The following INHBA variants were observed in gnomAD, a reference collection of about 807,000 sequenced individuals.
INHBA encodes inhibin subunit beta A.
INHBA carries 1 observed loss-of-function variant against 29.0 expected under a neutral mutation model. That is an observed-to-expected ratio of 0.03 (90% confidence interval 0.01 to 0.16). The LOEUF (loss-of-function observed/expected upper bound fraction) is 0.16. INHBA is among the 10% of genes least tolerant of loss of function. INHBA has a pLI of 1.00. For missense variants in INHBA, 376 were observed against 545.4 expected, an observed-to-expected ratio of 0.69 and a Z score of 3.09; for synonymous variants, 242 against 216.8, an observed-to-expected ratio of 1.12 and a Z score of -1.02.
In INHBA at chr7:41,700,102, A is replaced by C; in HGVS notation, c.273T>G (p.His91Gln). The change falls in exon 2 of 3, where the codon CAT becomes CAG. Residue 91 changes from histidine (H) to glutamine (Q), a missense_variant. This residue lies in a region of INHBA where 253 missense variants were observed against 313.4 expected (regional missense o/e 0.81). Transcript: ENST00000242208. ...ACCCGTTCTCCCCGACTTTGCCCACATGAAGCTTTCTGATCGCGTTCAGAA... is the reference window on the plus strand; with the variant it reads ...ACCCGTTCTCCCCGACTTTGCCCACCTGAAGCTTTCTGATCGCGTTCAGAA... ...AALLNAIRKLHVGKVGENGYV... is the reference protein window; with the variant it reads ...AALLNAIRKLQVGKVGENGYV... 6.2e-7 allele frequency: 1 copy of C among 1,613,884 alleles called. No individual in the cohort carries two copies. Among genetic ancestry groups the C allele is most frequent in the Non-Finnish European group, 8.5e-7 (1 of 1,179,984 alleles).
chr7:41,693,403 G>A (rs184134386), intron 2 of INHBA, among the ~76,000 whole-genome samples: 19 of 152,320 alleles, frequency 1.2e-4, no homozygotes, highest in African/African-American at 4.1e-4. Flanking sequence ...AGATGTTTAG[G>A]TGGGGGTGCC....
At chr7:41,691,531 G>T (rs1449004750) in intron 2 of INHBA, 1 of 152,284 alleles carries the variant, frequency 6.6e-6, no homozygotes, top group South Asian at 2.1e-4. Context: ...GTTCTCTGGG[G>T]TCTAAGGCCT....
At chr7:41,697,806 T>C (rs953581608) in intron 2 of INHBA, among the ~76,000 whole-genome samples, 2 of 152,222 alleles carry the variant, frequency 1.3e-5, no homozygotes, top group Admixed American at 6.5e-5. Context: ...TTTTCTGGAC[T>C]AGCAAAATCA....
At chr7:41,699,945 A>ACC in intron 2 of INHBA, 42 bp downstream of exon 2, 1 of 87,008 alleles carries the variant, frequency 1.1e-5, no homozygotes. Flanking sequence ...TTACCCTCCC[A>ACC]CCCCCCACCC....
At chr7:41,691,660 ATTTTC>A (rs1447392013) in intron 2 of INHBA, 6 of 151,988 alleles carry the variant, frequency 3.9e-5, no homozygotes, top group African/African-American at 1.4e-4. Context: ...TAATGTTTCA[ATTTTC>A]AGATTGTTTG....
chr7:41,695,278 A>G (rs921342041), intron 2 of INHBA, among the ~76,000 whole-genome samples: 2 of 152,216 alleles, frequency 1.3e-5, no homozygotes, highest in Non-Finnish European at 2.9e-5. Context: ...AACACATTTA[A>G]ACTTACCATG....
Position 41,700,159 on chromosome 7 carries a change from G to C in INHBA, c.216C>G (p.Pro72=), listed in dbSNP as rs763814285. The C allele has an allele frequency of 6.2e-7, 1 of 1,614,022 alleles. No individual in the cohort carries two copies. Among genetic ancestry groups the C allele is most frequent in the Non-Finnish European group, 8.5e-7 (1 of 1,180,030 alleles). The part of the protein sequence containing the change: ...ILNMLHLKKR[P]DVTQPVPKAA... ...CCTTGGGTACCGGCTGGGTGACATC[G>C]GGTCTCTTCTTCAAGTGCAGCATGT... The change falls in exon 2 of 3, where the codon CCC becomes CCG. Residue 72 remains proline, a synonymous_variant. Transcript: ENST00000242208.
intron 2 of INHBA, among the ~76,000 whole-genome samples, chr7:41,695,698 G>A (rs1231700509): frequency 6.6e-6 from 1 of 152,114 alleles, no homozygotes; most frequent in Non-Finnish European, 1.5e-5. Context: ...AATATTTTGG[G>A]AGAAAGGGGT....
rs1370128923 is a variant in INHBA, at chr7:41,686,181, G to T, written c.*3469C>A. 1 of 152,066 alleles carries T rather than the reference G, an allele frequency of 6.6e-6. No homozygotes were observed. The highest frequency in any genetic ancestry group is 1.5e-5 in the Non-Finnish European group (1 of 67,970). The allele number at this position is 152,066 out of a possible 1,614,324, so 9.4% of individuals were successfully genotyped here. A position where few individuals can be genotyped will look rare whatever the true frequency, so the allele number is the denominator to read the frequency against. On this transcript the variant is annotated 3_prime_UTR_variant, in exon 3 of 3. Coordinates refer to ENST00000242208, the MANE Select transcript of INHBA (RefSeq NM_002192.4). ...AATATGAAATTGGTTGGTCTTCTGG[G>T]ATAAGAAATTCCCAACTCAGTGTGC...
chr7:41,696,447 T>A (rs928867097), intron 2 of INHBA, among the ~76,000 whole-genome samples: 3 of 152,214 alleles, frequency 2.0e-5, no homozygotes, highest in African/African-American at 7.2e-5. Flanking sequence ...GTATTACAGG[T>A]AGTCATGCTT....
rs751955747 is a variant in INHBA at position 41,690,058 on chromosome 7, A to T, written c.873T>A (p.Pro291=). 53 of 1,613,876 alleles carry T rather than the reference A, an allele frequency of 3.3e-5. 1 individual carries two copies. In the Admixed American group the frequency reaches 8.8e-4, roughly 27 times the overall value. ...ADEEKEQSHR[P]FLMLQARQSE... ...ACTGCCGGGCCTGCAGCATGAGGAAAGGTCTGTGCGACTGCTCCTTTTCCT... is the reference window on the plus strand; with the variant it reads ...ACTGCCGGGCCTGCAGCATGAGGAATGGTCTGTGCGACTGCTCCTTTTCCT... Residue 291 remains proline, a synonymous_variant, in exon 3 of 3, where the codon CCT becomes CCA. Coordinates refer to ENST00000242208, the MANE Select transcript of INHBA (RefSeq NM_002192.4).
In INHBA at chr7:41,699,984, A is replaced by G; in HGVS notation, c.388+3T>C. ...CCCACCCCCTGCCAATGCCAGCACC[A>G]ACCTGACTCGGCAAACGTGATGATC... On this transcript the variant is annotated splice_donor_region_variant and intron_variant, in intron 2 of 2. Coordinates refer to ENST00000242208, the MANE Select transcript of INHBA (RefSeq NM_002192.4). 9.2e-7 allele frequency: 1 copy of G among 1,089,458 alleles called. No homozygotes were observed. Among genetic ancestry groups the G allele is most frequent in the Non-Finnish European group, 1.2e-6 (1 of 829,222 alleles). The allele number at this position is 1,089,458 out of a possible 1,614,324, so 67.5% of individuals were successfully genotyped here. A position where few individuals can be genotyped will look rare whatever the true frequency, so the allele number is the denominator to read the frequency against.
Position 41,700,414 on chromosome 7 carries a change from C to CAAT in INHBA, c.-41_-40insATT. 7.2e-7 allele frequency: 1 copy of CAAT among 1,382,842 alleles called. No homozygotes were observed. The highest frequency in any genetic ancestry group is 9.4e-7 in the Non-Finnish European group (1 of 1,065,090). 85.7% of individuals were successfully genotyped at this position (1,382,842 alleles called of 1,614,324 possible). A position where few individuals can be genotyped will look rare whatever the true frequency, so the allele number is the denominator to read the frequency against. On this transcript the variant is annotated 5_prime_UTR_variant, in exon 2 of 3. Coordinates refer to ENST00000242208, the MANE Select transcript of INHBA (RefSeq NM_002192.4). ...TTGTTGTGATTGCCTTTTTAAAAGG[C>CAAT]CCTGCTTTTCCTCCCCCCTCACGCG...
In INHBA at chr7:41,686,644, C is replaced by A. The variant is rs551183830; in HGVS notation, c.*3006G>T. The stretch of plus-strand genomic sequence containing the variant: ...GTTTGTGGGTGTTTGATAACCCAAT[C>A]ACTCAATATCCAATTAAAATATGGA... On this transcript the variant is annotated 3_prime_UTR_variant, in exon 3 of 3. Transcript: ENST00000242208. 1 of 152,250 alleles carries A rather than the reference C, an allele frequency of 6.6e-6. No individual in the cohort carries two copies. Among genetic ancestry groups the A allele is most frequent in the Admixed American group, 6.5e-5 (1 of 15,282 alleles). The allele number at this position is 152,250 out of a possible 1,614,324, so 9.4% of individuals were successfully genotyped here.
chr7:41,694,511 G>C (rs1794596779), intron 2 of INHBA, among the ~76,000 whole-genome samples: 1 of 152,208 alleles, frequency 6.6e-6, no homozygotes. Context: ...TCTTCCCATA[G>C]TGCGCCGTGA....
intron 2 of INHBA, chr7:41,694,218 A>G (rs1371173987): frequency 6.6e-6 from 1 of 152,224 alleles, no homozygotes; most frequent in Non-Finnish European, 1.5e-5. Flanking sequence ...ATTGATGTTT[A>G]TCAGGGCTGT....
rs1289773331 is a variant in INHBA, at chr7:41,687,288, A to G, written c.*2362T>C. 6.6e-6 allele frequency: 1 copy of G among 152,176 alleles called. No individual in the cohort carries two copies. The highest frequency in any genetic ancestry group is 1.5e-5 in the Non-Finnish European group (1 of 68,020). 9.4% of individuals were successfully genotyped at this position (152,176 alleles called of 1,614,324 possible). A position where few individuals can be genotyped will look rare whatever the true frequency, so the allele number is the denominator to read the frequency against. On this transcript the variant is annotated 3_prime_UTR_variant, in exon 3 of 3. Coordinates refer to ENST00000242208, the MANE Select transcript of INHBA (RefSeq NM_002192.4). ...TATCTTCCTTTCCTATAATTAATTTATTTTAATCTACAAATTGACATAGGG... is the reference window on the plus strand; with the variant it reads ...TATCTTCCTTTCCTATAATTAATTTGTTTTAATCTACAAATTGACATAGGG...
intron 2 of INHBA, chr7:41,692,613 G>A (rs549212264): frequency 6.6e-5 from 10 of 152,474 alleles, no homozygotes; most frequent in African/African-American, 1.4e-4. Flanking sequence ...TGATGGTGGC[G>A]GTGGTAAGGG....
At chr7:41,700,619 GACTGTCTCCGAGT>G in intron 1 of INHBA, 102 bp from the exon 2 acceptor site, 1 of 168,244 alleles carries the variant, frequency 5.9e-6, no homozygotes, top group Non-Finnish European at 1.3e-5. Flanking sequence ...GGAGAGTTCT[GACTGTCTCCGAGT>G]AAGAGAGAAG....
Sources: gnomAD v4.1 joint callset for allele counts (sites outside exome capture counted in the v4.1 genomes callset) on GRCh38, gnomAD v4.1.1 for gene constraint, gnomAD v4.1.1 regional missense constraint, MANE v1.5 for transcripts, NCBI Gene and HGNC (gene_info 2026-07-23, HGNC 2026-07-21) for gene names.